Variants in RASAL2 observed in about 807,000 individuals in gnomAD.
RASAL2 encodes RAS protein activator like 2.
RASAL2 carries 58 observed loss-of-function variants against 128.9 expected under a neutral mutation model. The observed-to-expected ratio is 0.45, with a 90% CI of 0.36 to 0.56. The LOEUF is 0.56. RASAL2 is among the 20% of genes least tolerant of loss of function. RASAL2 has a pLI of 0.00. For missense variants in RASAL2, 1,360 were observed against 1,601.6 expected (o/e 0.85, Z 2.57); for synonymous variants, 561 against 580.8 (o/e 0.97, Z 0.49).
chr1:178,159,702 G>A (rs559411187), intron 1 of RASAL2, among the ~76,000 whole-genome samples: 1 of 152,102 alleles, frequency 6.6e-6, no homozygotes, highest in Non-Finnish European at 1.5e-5. Context: ...GCCAAGGTAG[G>A]TGGATCACCT....
chr1:178,374,257 A>G (rs1671877169), intron 3 of RASAL2, among the ~76,000 whole-genome samples: 1 of 152,152 alleles, frequency 6.6e-6, no homozygotes. Context: ...GTGTTGAGTC[A>G]TTTGCTAATG....
chr1:178,122,897 T>C (rs1659768967), intron 1 of RASAL2, among the ~76,000 whole-genome samples: 1 of 152,138 alleles, frequency 6.6e-6, no homozygotes. Context: ...GTATTTAAAA[T>C]TAATTTTTAG....
intron 1 of RASAL2, among the ~76,000 whole-genome samples, chr1:178,276,669 G>A (rs557789427): frequency 4.0e-5 from 6 of 151,886 alleles, no homozygotes; most frequent in African/African-American, 1.2e-4. Context: ...GAGCCACTGT[G>A]CCCAGCCTGT....
At chr1:178,207,150 C>A (rs1229875463) in intron 1 of RASAL2, among the ~76,000 whole-genome samples, 24 of 120,860 alleles carry the variant, frequency 2.0e-4, no homozygotes, top group African/African-American at 5.3e-4. Flanking sequence ...GACCTTGTCT[C>A]AAAAAAAAAA....
At chr1:178,324,519 T>C (rs1012612108) in intron 3 of RASAL2, among the ~76,000 whole-genome samples, 1 of 152,152 alleles carries the variant, frequency 6.6e-6, no homozygotes, top group Admixed American at 6.5e-5. Flanking sequence ...CACTTGCACT[T>C]CCTTTCTTCT....
At chr1:178,244,232 A>C (rs1664657261) in intron 1 of RASAL2, among the ~76,000 whole-genome samples, 1 of 151,894 alleles carries the variant, frequency 6.6e-6, no homozygotes, top group Non-Finnish European at 1.5e-5. Context: ...GTACTTGGTA[A>C]ACTTTTATTT....
rs74641809 is a variant in RASAL2 at position 178,174,762 on chromosome 1, T to C, written c.202+80068T>C. Among the ~76,000 whole-genome samples the C allele has an allele frequency of 5.9e-3, 903 of 152,276 alleles. 8 individuals are homozygous for C. The highest frequency in any genetic ancestry group is 0.018 in the African/African-American group (761 of 41,562). On this transcript the variant is annotated intron_variant, in intron 1 of 17. Coordinates refer to ENST00000367649, the MANE Select transcript of RASAL2 (RefSeq NM_170692.4). ...TGTTCATGCACGAACCCTTTGACTT[T>C]GGCATTTACTTTCCAAGGACAATTG...
intron 4 of RASAL2, among the ~76,000 whole-genome samples, chr1:178,417,551 C>T (rs1335973533): frequency 3.3e-5 from 5 of 151,940 alleles, no homozygotes. Context: ...CACCTGAGGT[C>T]GGAAGTTCAA....
intron 17 of RASAL2, among the ~76,000 whole-genome samples, chr1:178,471,259 T>C (rs1648241381): frequency 6.6e-6 from 1 of 152,170 alleles, no homozygotes; most frequent in Admixed American, 6.5e-5. Flanking sequence ...AGATCATTCC[T>C]AATAATGCGA....
At chr1:178,422,514 G>A (rs540591650) in intron 5 of RASAL2, among the ~76,000 whole-genome samples, 7 of 152,060 alleles carry the variant, frequency 4.6e-5, no homozygotes, top group African/African-American at 1.7e-4. Flanking sequence ...ACTTTTTCTT[G>A]TATAGAGGTG....
chr1:178,365,429 C>CTGTTATGTTA (rs71567192), intron 3 of RASAL2, among the ~76,000 whole-genome samples: 3,313 of 141,584 alleles, frequency 0.023, 57 homozygotes, highest in African/African-American at 0.034. Flanking sequence ...CTCTAGTTGC[C>CTGTTATGTTA]TGTTATGTTA....
intron 1 of RASAL2, among the ~76,000 whole-genome samples, chr1:178,170,787 G>A (rs1409654663): frequency 1.3e-5 from 2 of 151,584 alleles, no homozygotes; most frequent in African/African-American, 4.8e-5. Flanking sequence ...CAACATAAAT[G>A]CATGTAGTCA....
intron 3 of RASAL2, among the ~76,000 whole-genome samples, chr1:178,319,614 G>A (rs1483997347): frequency 1.4e-5 from 2 of 147,564 alleles, no homozygotes; most frequent in East Asian, 3.9e-4. Flanking sequence ...CATTCTTCAC[G>A]TAGTTCTCGA....
chr1:178,317,806 G>A (rs1668561881), intron 3 of RASAL2, among the ~76,000 whole-genome samples: 1 of 150,838 alleles, frequency 6.6e-6, no homozygotes, highest in Admixed American at 6.6e-5. Context: ...GTTCTGCTCT[G>A]ATTTTAGTTA....
At chr1:178,412,726 A>G (rs1674476594) in intron 4 of RASAL2, among the ~76,000 whole-genome samples, 1 of 152,174 alleles carries the variant, frequency 6.6e-6, no homozygotes, top group Non-Finnish European at 1.5e-5. Flanking sequence ...TTGTTTTCAG[A>G]TAGGAAAACC....
intron 3 of RASAL2, among the ~76,000 whole-genome samples, chr1:178,387,065 A>G (rs1192234939): frequency 6.6e-6 from 1 of 152,094 alleles, no homozygotes; most frequent in Non-Finnish European, 1.5e-5. Context: ...TGGGGTATTT[A>G]TTTTTCTGTA....
chr1:178,223,959 G>T (rs553438718), intron 1 of RASAL2, among the ~76,000 whole-genome samples: 1 of 152,288 alleles, frequency 6.6e-6, no homozygotes, highest in Non-Finnish European at 1.5e-5. Context: ...AGATCATAGT[G>T]TAGGTTTTAT....
chr1:178,461,115 A>G (rs966250218), intron 14 of RASAL2, among the ~76,000 whole-genome samples: 3 of 152,096 alleles, frequency 2.0e-5, no homozygotes, highest in African/African-American at 7.2e-5. Context: ...TGCCTGGCCT[A>G]GTTTTTTATT....
intron 2 of RASAL2, among the ~76,000 whole-genome samples, chr1:178,285,201 A>G (rs1230844177): frequency 6.9e-6 from 1 of 145,494 alleles, no homozygotes; most frequent in Non-Finnish European, 1.5e-5. Flanking sequence ...GCTCACTGCA[A>G]GCTCCGCTTC....
Sources: gnomAD v4.1 joint callset for allele counts (sites outside exome capture counted in the v4.1 genomes callset) on GRCh38, gnomAD v4.1.1 for gene constraint, MANE v1.5 for transcripts, NCBI Gene and HGNC (gene_info 2026-07-23, HGNC 2026-07-21) for gene names.